The following PCNX2 variants were observed in gnomAD, a reference collection of about 807,000 sequenced individuals.
The protein encoded by PCNX2 is pecanex-like protein 2.
Under a neutral mutation model 223.8 loss-of-function variants are expected in PCNX2, and 168 were observed. The observed-to-expected ratio is 0.75, with a 90% confidence interval of 0.66 to 0.85. The LOEUF (loss-of-function observed/expected upper bound fraction) is 0.85, where lower values mean the gene tolerates loss of function less well. Ranked by LOEUF, PCNX2 falls within the 40% of genes least tolerant of loss-of-function variation. The probability of loss-of-function intolerance (pLI) is 0.00; values close to 1 mark genes in which losing one functional copy is unlikely to be tolerated. For missense variants in PCNX2, 2,507 were observed against 2,675.5 expected (o/e 0.94, Z 1.39); for synonymous variants, 1,006 against 1,052.6 (o/e 0.96, Z 0.86).
chr1:233,094,549 G>A (rs765884861), intron 22 of PCNX2, among the ~76,000 whole-genome samples: 9 of 152,040 alleles, frequency 5.9e-5, no homozygotes, highest in Non-Finnish European at 1.2e-4. Flanking sequence ...TCCACTCTTC[G>A]TATGCTTAAC....
intron 10 of PCNX2, 31 bp downstream of exon 10, chr1:233,227,195 C>T (rs374956436): frequency 3.2e-4 from 509 of 1,587,136 alleles, no homozygotes; most frequent in Non-Finnish European, 3.9e-4. Flanking sequence ...GTGTGCCTTC[C>T]GACAGTGTGT....
chr1:233,324,181 T>C, the PCNX2 span, among the ~76,000 whole-genome samples: 1 of 152,156 alleles, frequency 6.6e-6, no homozygotes, highest in East Asian at 1.9e-4. Flanking sequence ...CTAGTAGAGG[T>C]TGGCTTATGA....
intron 7 of PCNX2, 37 bp from the exon 8 acceptor site, chr1:233,250,869 T>C (rs1230141232): frequency 6.5e-6 from 10 of 1,533,432 alleles, no homozygotes; most frequent in South Asian, 3.6e-5. Flanking sequence ...GAATATGACA[T>C]AATTATTCAT....
chr1:233,218,488 G>A (rs1657155146), intron 10 of PCNX2, among the ~76,000 whole-genome samples: 4 of 152,018 alleles, frequency 2.6e-5, no homozygotes, highest in Admixed American at 2.6e-4. Flanking sequence ...CTGACCTCAT[G>A]ATCTGCCCTC....
At chr1:233,097,236 G>C (rs1674225483) in intron 21 of PCNX2, among the ~76,000 whole-genome samples, 1 of 151,874 alleles carries the variant, frequency 6.6e-6, no homozygotes, top group East Asian at 1.9e-4. Context: ...TTAGGTGAAA[G>C]CTGAAGAATT....
rs1679569211 is a variant in PCNX2, at chr1:233,177,832, G to T, written c.3243C>A (p.Asp1081Glu). ...LHQNLAESAA[D>E]PLPKKMKDSV... ...AATCTTTCATCTTCTTGGGGAGAGGGTCAGCAGCTGACTCTGCCAGATTTT... is the reference window on the plus strand; with the variant it reads ...AATCTTTCATCTTCTTGGGGAGAGGTTCAGCAGCTGACTCTGCCAGATTTT... The change falls in exon 17 of 34, where the codon GAC becomes GAA. Residue 1081 changes from aspartate (D) to glutamate (E), a missense_variant. By Grantham distance (45) the Asp-to-Glu change is conservative (BLOSUM62 2). Transcript: ENST00000258229. 6.2e-7 allele frequency: 1 copy of T among 1,613,840 alleles called. No individual in the cohort carries two copies. Among genetic ancestry groups the T allele is most frequent in the African/African-American group, 1.3e-5 (1 of 75,030 alleles).
chr1:233,230,006 C>A (rs1049648348), intron 9 of PCNX2, among the ~76,000 whole-genome samples: 2 of 152,140 alleles, frequency 1.3e-5, no homozygotes, highest in Non-Finnish European at 2.9e-5. Context: ...ATTTTAATAT[C>A]ATTCATGTTT....
intron 1 of PCNX2, among the ~76,000 whole-genome samples, chr1:233,269,077 C>A (rs1660499033): frequency 6.6e-6 from 1 of 152,256 alleles, no homozygotes; most frequent in African/African-American, 2.4e-5. Flanking sequence ...ATATCAGTCA[C>A]ATTCCCAAAT....
chr1:233,255,900 C>T (rs1215110658), intron 5 of PCNX2, among the ~76,000 whole-genome samples: 2 of 152,184 alleles, frequency 1.3e-5, no homozygotes, highest in East Asian at 1.9e-4. Context: ...AAGGATATTA[C>T]CAGTCTCAAA....
Position 233,278,881 on chromosome 1 carries a change from C to G in PCNX2, c.154-15718G>C, listed in dbSNP as rs145707880. Among the ~76,000 whole-genome samples, 18 of 152,306 alleles carry G rather than the reference C, an allele frequency of 1.2e-4. No individual in the cohort carries two copies. The East Asian group carries it at 3.5e-3, about 29-fold the overall frequency. On this transcript the variant is annotated intron_variant, in intron 1 of 33. Transcript: ENST00000258229. Reference sequence around the variant, plus strand: ...GTAGGATGCACCCCACTCCTAAATGCATATCATTGTATGATGATCTCACTG... The same window carrying G: ...GTAGGATGCACCCCACTCCTAAATGGATATCATTGTATGATGATCTCACTG...
intron 21 of PCNX2, among the ~76,000 whole-genome samples, chr1:233,132,242 C>T (rs545766963): frequency 6.6e-5 from 10 of 152,252 alleles, no homozygotes; most frequent in African/African-American, 2.2e-4. Flanking sequence ...GGATTACAGG[C>T]GTGAGACACC....
intron 23 of PCNX2, among the ~76,000 whole-genome samples, chr1:233,071,356 C>T (rs1572068938): frequency 6.6e-6 from 1 of 152,086 alleles, no homozygotes; most frequent in African/African-American, 2.4e-5. Flanking sequence ...GCGTTTTTCC[C>T]GTGTCCATGT....
intron 21 of PCNX2, among the ~76,000 whole-genome samples, chr1:233,128,095 T>G (rs1268455486): frequency 1.3e-5 from 2 of 152,142 alleles, no homozygotes; most frequent in Non-Finnish European, 2.9e-5. Flanking sequence ...CACATCACGG[T>G]TCTGGTGCGA....
intron 23 of PCNX2, among the ~76,000 whole-genome samples, chr1:233,084,482 A>T (rs979994543): frequency 6.6e-6 from 1 of 152,246 alleles, no homozygotes; most frequent in Non-Finnish European, 1.5e-5. Context: ...AGAATTCTAG[A>T]TATGTAACCA....
chr1:233,175,861 T>C (rs2102853014), intron 17 of PCNX2, among the ~76,000 whole-genome samples: 1 of 152,350 alleles, frequency 6.6e-6, no homozygotes, highest in South Asian at 2.1e-4. Flanking sequence ...TTAATACTAG[T>C]TTGAATTCTG....
chr1:233,109,711 T>C (rs1487622150), intron 21 of PCNX2, among the ~76,000 whole-genome samples: 2 of 152,184 alleles, frequency 1.3e-5, no homozygotes, highest in Non-Finnish European at 2.9e-5. Context: ...TTGTCTAACA[T>C]AGGCATGTTT....
At chr1:233,256,704 C>G (rs1303674664) in intron 5 of PCNX2, among the ~76,000 whole-genome samples, 1 of 152,162 alleles carries the variant, frequency 6.6e-6, no homozygotes, top group Non-Finnish European at 1.5e-5. Context: ...TTGGACAGTG[C>G]TAGCCTAGAG....
At chr1:233,220,673 A>G (rs1200553062) in intron 10 of PCNX2, among the ~76,000 whole-genome samples, 1 of 152,028 alleles carries the variant, frequency 6.6e-6, no homozygotes, top group African/African-American at 2.4e-5. Flanking sequence ...TGTATACTGG[A>G]TGACAATCCT....
At chr1:233,317,659 A>C in the PCNX2 span, among the ~76,000 whole-genome samples, 1 of 152,084 alleles carries the variant, frequency 6.6e-6, no homozygotes, top group Non-Finnish European at 1.5e-5. Flanking sequence ...AAAATATACT[A>C]AATGAGGGGC....
Sources: allele counts gnomAD v4.1 joint callset (sites outside exome capture counted in the v4.1 genomes callset), GRCh38; gene constraint gnomAD v4.1.1; transcripts MANE v1.5; gene names NCBI Gene and HGNC (gene_info 2026-07-23, HGNC 2026-07-21).